The following FAT3 variants were observed in gnomAD, a reference collection of about 807,000 sequenced individuals.
The protein encoded by FAT3 is protocadherin Fat 3.
A neutral mutation model predicts 310.2 loss-of-function variants in FAT3; 95 were observed. The ratio of observed to expected loss-of-function variants is 0.31; its 90% CI spans 0.26 to 0.36. The LOEUF is 0.36. Ranked by LOEUF, FAT3 falls within the 10% of genes least tolerant of loss-of-function variation. The probability of loss-of-function intolerance (pLI) is 1.00; values close to 1 mark genes in which losing one functional copy is unlikely to be tolerated. For missense variants in FAT3, 5,408 were observed against 5,715.6 expected (o/e 0.95, Z 1.74); for synonymous variants, 2,314 against 2,192.9 (o/e 1.06, Z -1.54).
chr11:92,331,482 G>A (rs1276162236), intron 1 of FAT3, among the ~76,000 whole-genome samples: 1 of 151,994 alleles, frequency 6.6e-6, no homozygotes, highest in South Asian at 2.1e-4. Context: ...CTCAGGGCAG[G>A]TGTGGAGTGT....
chr11:92,363,304 A>G (rs1426634153), intron 2 of FAT3, among the ~76,000 whole-genome samples: 1 of 152,192 alleles, frequency 6.6e-6, no homozygotes, highest in African/African-American at 2.4e-5. Flanking sequence ...AAGAAATGGA[A>G]GAGCTGTATT....
intron 3 of FAT3, among the ~76,000 whole-genome samples, chr11:92,536,795 G>T (rs1954273653): frequency 6.6e-6 from 1 of 152,144 alleles, no homozygotes. Context: ...TAAGTGGACT[G>T]TGATGGGGCT....
At chr11:92,689,794 G>T (rs1391967740) in intron 3 of FAT3, among the ~76,000 whole-genome samples, 2 of 152,172 alleles carry the variant, frequency 1.3e-5, no homozygotes, top group Non-Finnish European at 1.5e-5. Context: ...GGGTACAGGA[G>T]AGGATTATAC....
chr11:92,228,733 A>G (rs186256184), intron 1 of FAT3, among the ~76,000 whole-genome samples: 2 of 152,334 alleles, frequency 1.3e-5, no homozygotes, highest in East Asian at 3.9e-4. Flanking sequence ...TTATTTTACC[A>G]GTTGTGGCAT....
At chr11:92,729,426 A>ATTT (rs1358571849) in intron 4 of FAT3, among the ~76,000 whole-genome samples, 3 of 140,434 alleles carry the variant, frequency 2.1e-5, no homozygotes, top group African/African-American at 2.6e-5. Flanking sequence ...CCCAGACTGA[A>ATTT]TTTTTTTTTT....
At chr11:92,583,086 C>CAAA in intron 3 of FAT3, among the ~76,000 whole-genome samples, 1 of 144,064 alleles carries the variant, frequency 6.9e-6, no homozygotes, top group African/African-American at 2.5e-5. Context: ...ATATTTTTTT[C>CAAA]AAAAAAAAAA....
intron 1 of FAT3, among the ~76,000 whole-genome samples, chr11:92,324,585 G>A (rs1348680153): frequency 6.6e-6 from 1 of 152,110 alleles, no homozygotes; most frequent in African/African-American, 2.4e-5. Context: ...AGTAACATCA[G>A]AGATCACTGA....
chr11:92,285,831 G>A (rs1946548822), intron 1 of FAT3, among the ~76,000 whole-genome samples: 1 of 152,076 alleles, frequency 6.6e-6, no homozygotes, highest in South Asian at 2.1e-4. Context: ...TTGAATTAAG[G>A]TAGCAGAGGG....
chr11:92,508,287 A>AT (rs1309408120), intron 2 of FAT3, among the ~76,000 whole-genome samples: 17 of 152,240 alleles, frequency 1.1e-4, no homozygotes, highest in African/African-American at 3.9e-4. Flanking sequence ...TAAACATAAA[A>AT]TCACCTGTGA....
At chr11:92,313,264 A>C (rs989072028) in intron 1 of FAT3, among the ~76,000 whole-genome samples, 2 of 152,220 alleles carry the variant, frequency 1.3e-5, no homozygotes, top group Non-Finnish European at 2.9e-5. Context: ...CCCATGTTTT[A>C]GGAGCCCCAC....
At chr11:92,565,740 A>G (rs1489797124) in intron 3 of FAT3, among the ~76,000 whole-genome samples, 1 of 151,862 alleles carries the variant, frequency 6.6e-6, no homozygotes, top group Non-Finnish European at 1.5e-5. Flanking sequence ...AATATACACA[A>G]ATCAATAAAT....
At chr11:92,832,154 G>C in intron 14 of FAT3, 143 bp downstream of exon 14, 1 of 953,790 alleles carries the variant, frequency 1.0e-6, no homozygotes, top group Non-Finnish European at 1.5e-6. Flanking sequence ...AACAGAGTGA[G>C]ACCCTGTCTC....
chr11:92,863,377 T>A (rs1949166154), intron 21 of FAT3, among the ~76,000 whole-genome samples: 1 of 152,230 alleles, frequency 6.6e-6, no homozygotes, highest in African/African-American at 2.4e-5. Context: ...CTTCATGCCA[T>A]AATTTACATT....
At chr11:92,315,447 G>GTA (rs1332436082) in intron 1 of FAT3, among the ~76,000 whole-genome samples, 5 of 141,248 alleles carry the variant, frequency 3.5e-5, no homozygotes, top group South Asian at 2.3e-4. Flanking sequence ...GTGTGTGTGT[G>GTA]TATATATATG....
intron 12 of FAT3, among the ~76,000 whole-genome samples, chr11:92,808,015 A>T (rs1376615321): frequency 6.6e-6 from 1 of 152,196 alleles, no homozygotes; most frequent in Non-Finnish European, 1.5e-5. Flanking sequence ...CCAGTCTTGT[A>T]AGAGGTTGCA....
chr11:92,822,373 G>C (rs895546838), intron 13 of FAT3, among the ~76,000 whole-genome samples: 5 of 151,186 alleles, frequency 3.3e-5, no homozygotes, highest in African/African-American at 1.2e-4. Flanking sequence ...TCGAACACTC[G>C]GCAATGCAGA....
chr11:92,550,014 G>A (rs1283578833), intron 3 of FAT3, among the ~76,000 whole-genome samples: 5 of 152,146 alleles, frequency 3.3e-5, no homozygotes. Context: ...CCTGTAAATG[G>A]AAGAGTTAGG....
chr11:92,673,539 T>C (rs1943195842), intron 3 of FAT3, among the ~76,000 whole-genome samples: 2 of 151,842 alleles, frequency 1.3e-5, no homozygotes. Flanking sequence ...CAATAAGGGG[T>C]TGGGGAGACT....
intron 2 of FAT3, among the ~76,000 whole-genome samples, chr11:92,384,712 C>T (rs1306758670): frequency 1.3e-5 from 2 of 152,158 alleles, no homozygotes; most frequent in Non-Finnish European, 2.9e-5. Context: ...AAATTAATTA[C>T]ATTCAAAAGG....
Sources: gnomAD v4.1 joint callset for allele counts (sites outside exome capture counted in the v4.1 genomes callset) on GRCh38, gnomAD v4.1.1 for gene constraint, MANE v1.5 for transcripts, NCBI Gene and HGNC (gene_info 2026-07-23, HGNC 2026-07-21) for gene names.